COMMD1: variants seen among roughly 807,000 people sequenced by gnomAD.
The protein encoded by COMMD1 is COMM domain-containing protein 1.
In COMMD1, 10 loss-of-function variants were observed where a neutral mutation model predicts 17.2. The observed-to-expected ratio is 0.58, with a 90% CI of 0.36 to 0.99. The LOEUF (loss-of-function observed/expected upper bound fraction) is 0.99, where lower values mean the gene tolerates loss of function less well. Among genes scored for constraint, COMMD1 ranks in the 50% least tolerant of loss-of-function variants. The pLI is 0.01. For synonymous variants in COMMD1, 97 were observed against 91.6 expected, an observed-to-expected ratio of 1.06 and a Z score of -0.34; for missense variants, 270 against 231.8, an observed-to-expected ratio of 1.17 and a Z score of -1.07.
At chr2:62,044,816 T>G (rs993960469) in intron 2 of COMMD1, among the ~76,000 whole-genome samples, 2 of 149,818 alleles carry the variant, frequency 1.3e-5, no homozygotes, top group African/African-American at 5.0e-5. Context: ...TGTAGAATCT[T>G]CAAGGAGCAA....
chr2:61,898,692 G>A (rs1669600990), intron 1 of COMMD1, among the ~76,000 whole-genome samples: 1 of 151,604 alleles, frequency 6.6e-6, no homozygotes, highest in Non-Finnish European at 1.5e-5. Flanking sequence ...TACTTGCCTG[G>A]GACCAGTTGC....
upstream of COMMD1, among the ~76,000 whole-genome samples, chr2:61,902,591 C>T (rs1308082185): frequency 1.3e-5 from 2 of 151,740 alleles, no homozygotes; most frequent in African/African-American, 4.8e-5. Flanking sequence ...ATATAAGCAG[C>T]CAATAAATAT....
chr2:61,905,708 A>T lies in COMMD1; in HGVS notation c.30A>T (p.Lys10Asn), dbSNP rs1347117582. MAAGELEGG[K>N]PLSGLLNALA... is the part of the protein sequence containing the mutation. The stretch of plus-strand genomic sequence containing the variant: ...CGGCGGGCGAGCTTGAGGGTGGCAA[A>T]CCCCTGAGCGGGCTGCTGAATGCGC... Residue 10 changes from lysine (K) to asparagine (N), a missense_variant, in exon 1 of 3, where the codon AAA (lysine) becomes AAT (asparagine). By Grantham distance (94) the Lys-to-Asn change is moderately conservative. Coordinates refer to ENST00000311832, the MANE Select transcript of COMMD1 (RefSeq NM_152516.4). The T allele has an allele frequency of 6.3e-7, 1 of 1,593,722 alleles. No individual in the cohort carries two copies. The highest frequency in any genetic ancestry group is 8.6e-7 in the Non-Finnish European group (1 of 1,168,580).
intron 1 of COMMD1, among the ~76,000 whole-genome samples, chr2:61,916,745 A>G (rs1046430419): frequency 2.6e-5 from 4 of 152,160 alleles, no homozygotes; most frequent in Admixed American, 6.6e-5. Flanking sequence ...GCTTTTTAAA[A>G]ATTTAATCGT....
chr2:62,059,077 C>A (rs950348495), intron 2 of COMMD1, among the ~76,000 whole-genome samples: 14 of 152,160 alleles, frequency 9.2e-5, no homozygotes, highest in African/African-American at 3.4e-4. Context: ...CGCACCTGGC[C>A]ACAAATTTTC....
intron 2 of COMMD1, among the ~76,000 whole-genome samples, chr2:62,067,898 G>C (rs765246306): frequency 1.3e-5 from 2 of 152,194 alleles, no homozygotes; most frequent in Non-Finnish European, 2.9e-5. Context: ...TTGAGGTACA[G>C]TGTTCTGTGC....
chr2:62,105,641 T>C (rs926019832), intron 2 of COMMD1, among the ~76,000 whole-genome samples: 64 of 152,254 alleles, frequency 4.2e-4, no homozygotes, highest in African/African-American at 1.5e-3. Context: ...CTGACCAACA[T>C]GGCAAACCCC....
chr2:61,969,127 A>C (rs1262837850), intron 1 of COMMD1: 2 of 329,248 alleles, frequency 6.1e-6, no homozygotes, highest in South Asian at 4.5e-5. Flanking sequence ...TCTGGCTTTT[A>C]TATGTAGGTT....
At chr2:61,983,189 A>ATTTT in intron 1 of COMMD1, among the ~76,000 whole-genome samples, 1 of 132,822 alleles carries the variant, frequency 7.5e-6, no homozygotes, top group South Asian at 2.4e-4. Flanking sequence ...TTATCATGGC[A>ATTTT]TTTTTTTTTT....
At chr2:61,952,095 C>G (rs1364237274) in intron 1 of COMMD1, among the ~76,000 whole-genome samples, 1 of 152,204 alleles carries the variant, frequency 6.6e-6, no homozygotes, top group Non-Finnish European at 1.5e-5. Flanking sequence ...ATGGCTGACT[C>G]TGTCTTGGTT....
At chr2:61,925,965 T>TTTTTTG (rs1435700538) in intron 1 of COMMD1, among the ~76,000 whole-genome samples, 2 of 151,604 alleles carry the variant, frequency 1.3e-5, no homozygotes, top group Admixed American at 6.6e-5. Flanking sequence ...TTGTTTTTTG[T>TTTTTTG]TTTTTGTTTT....
chr2:62,049,828 G>C (rs919353328), intron 2 of COMMD1, among the ~76,000 whole-genome samples: 4 of 152,042 alleles, frequency 2.6e-5, no homozygotes, highest in African/African-American at 9.7e-5. Flanking sequence ...AATGTAGTAG[G>C]GGATAATGGC....
At chr2:61,992,835 A>G (rs957929440) in intron 1 of COMMD1, among the ~76,000 whole-genome samples, 1 of 152,180 alleles carries the variant, frequency 6.6e-6, no homozygotes, top group Non-Finnish European at 1.5e-5. Flanking sequence ...ACAGATAGTA[A>G]TACATGCATA....
chr2:61,922,334 T>C (rs1329254287), intron 1 of COMMD1, among the ~76,000 whole-genome samples: 1 of 152,304 alleles, frequency 6.6e-6, no homozygotes, highest in African/African-American at 2.4e-5. Context: ...TTGTTTGTTT[T>C]GAGATGGAGT....
At chr2:61,967,519 G>A (rs932511043) in intron 1 of COMMD1, among the ~76,000 whole-genome samples, 1 of 152,136 alleles carries the variant, frequency 6.6e-6, no homozygotes, top group Non-Finnish European at 1.5e-5. Flanking sequence ...TACATAACCA[G>A]ATTGAAAGCT....
Position 62,000,836 on chromosome 2 carries a change from C to A in COMMD1, c.316C>A (p.Arg106Ser). 6.2e-7 allele frequency: 1 copy of A among 1,614,096 alleles called. No homozygotes were observed. The highest frequency in any genetic ancestry group is 8.5e-7 in the Non-Finnish European group (1 of 1,180,016). ...CTGGAAGAGCCACAAGACAAAAATC[C>A]GTGAGAGCCTCATGAACCAGAGCCG... ...KFWKSHKTKI[R>S]ESLMNQSRWN... Residue 106 changes from arginine to serine, a missense_variant, in exon 2 of 3, where the codon CGT becomes AGT. Physicochemically the swap from Arg to Ser is moderately radical, Grantham distance 110 (BLOSUM62 -1). Transcript: ENST00000311832.
chr2:62,096,011 G>C (rs1435663571), intron 2 of COMMD1, among the ~76,000 whole-genome samples: 3 of 150,490 alleles, frequency 2.0e-5, no homozygotes, highest in African/African-American at 4.9e-5. Flanking sequence ...TATTATACAT[G>C]CACATTTCTA....
intron 2 of COMMD1, among the ~76,000 whole-genome samples, chr2:62,085,322 A>G (rs1329184523): frequency 6.6e-6 from 1 of 151,038 alleles, no homozygotes; most frequent in East Asian, 2.0e-4. Flanking sequence ...GGTTCACACC[A>G]TTCCTCTGCC....
At chr2:61,997,660 T>C (rs988540763) in intron 1 of COMMD1, among the ~76,000 whole-genome samples, 1 of 152,206 alleles carries the variant, frequency 6.6e-6, no homozygotes, top group Non-Finnish European at 1.5e-5. Flanking sequence ...TAGGCTTTGT[T>C]GTTCCATTTA....
Sources: allele counts gnomAD v4.1 joint callset (sites outside exome capture counted in the v4.1 genomes callset), GRCh38; gene constraint gnomAD v4.1.1; transcripts MANE v1.5; gene names NCBI Gene and HGNC (gene_info 2026-07-23, HGNC 2026-07-21).